The following FERMT2 variants were observed in gnomAD, a reference collection of about 807,000 sequenced individuals.
FERMT2 encodes the protein FERM domain containing kindlin 2, also known as fermitin family homolog 2.
In FERMT2, 15 loss-of-function variants were observed where a neutral mutation model predicts 82.7. The observed-to-expected ratio is 0.18, with a 90% CI of 0.12 to 0.28. FERMT2 has a LOEUF of 0.28. FERMT2 is among the 10% of genes least tolerant of loss of function. The pLI is 1.00. For missense variants in FERMT2, 645 were observed against 809.4 expected (o/e 0.80, Z 2.46); for synonymous variants, 274 against 271.5 (o/e 1.01, Z -0.09).
At chr14:52,950,194 G>A (rs899113625) in intron 2 of FERMT2, among the ~76,000 whole-genome samples, 33 of 152,124 alleles carry the variant, frequency 2.2e-4, no homozygotes, top group African/African-American at 7.2e-4. Flanking sequence ...TGGGAGGCTC[G>A]AATCATTACA....
At chr14:52,860,588 A>G in intron 12 of FERMT2, 123 bp from the exon 13 acceptor site, 1 of 774,164 alleles carries the variant, frequency 1.3e-6, no homozygotes, top group Non-Finnish European at 2.0e-6. Flanking sequence ...AAGAGTTGAA[A>G]TCAAAATATC....
intron 3 of FERMT2, among the ~76,000 whole-genome samples, chr14:52,913,748 A>T (rs1016342522): frequency 2.0e-5 from 3 of 146,624 alleles, no homozygotes; most frequent in African/African-American, 2.5e-5. Flanking sequence ...AGATATATTT[A>T]GGAAGGTGGA....
chr14:52,877,875 G>A (rs574128031), intron 7 of FERMT2, among the ~76,000 whole-genome samples: 6 of 152,158 alleles, frequency 3.9e-5, no homozygotes, highest in Admixed American at 3.3e-4. Flanking sequence ...AGCATTACTC[G>A]GGTATCTGAA....
intron 7 of FERMT2, among the ~76,000 whole-genome samples, chr14:52,877,028 T>C (rs1052960102): frequency 6.6e-6 from 1 of 152,198 alleles, no homozygotes; most frequent in Non-Finnish European, 1.5e-5. Flanking sequence ...TGTAGTGATA[T>C]GGAATGCCCA....
intron 6 of FERMT2, among the ~76,000 whole-genome samples, chr14:52,879,627 T>C (rs1233407468): frequency 1.3e-5 from 2 of 152,136 alleles, no homozygotes; most frequent in African/African-American, 4.8e-5. Context: ...GAATTAAAAT[T>C]ATTTTCTATA....
intron 6 of FERMT2, among the ~76,000 whole-genome samples, chr14:52,880,652 T>C (rs1886238101): frequency 2.0e-5 from 3 of 152,046 alleles, no homozygotes; most frequent in Admixed American, 2.0e-4. Context: ...CCACCTTGGG[T>C]TCTCAAAGTG....
chr14:52,867,206 T>C (rs763532859), intron 10 of FERMT2, among the ~76,000 whole-genome samples: 19 of 152,094 alleles, frequency 1.2e-4, no homozygotes, highest in South Asian at 2.1e-4. Context: ...TCCCAAAATG[T>C]TGGGATTATA....
intron 9 of FERMT2, 45 bp from the exon 10 acceptor site, chr14:52,872,968 T>C (rs747248940): frequency 6.3e-7 from 1 of 1,588,748 alleles, no homozygotes. Context: ...TGGAAGTAAC[T>C]TTATTAACGC....
chr14:52,881,198 C>G (rs1566726890), intron 5 of FERMT2, 46 bp downstream of exon 5: 2 of 1,597,016 alleles, frequency 1.3e-6, no homozygotes, highest in Non-Finnish European at 1.7e-6. Flanking sequence ...ATTTCTACCT[C>G]TAGCTGGATG....
chr14:52,929,005 C>T (rs753846114), intron 2 of FERMT2, among the ~76,000 whole-genome samples: 2 of 152,090 alleles, frequency 1.3e-5, no homozygotes, highest in Non-Finnish European at 2.9e-5. Flanking sequence ...CACTTATTTT[C>T]GTCACTGGTG....
intron 3 of FERMT2, among the ~76,000 whole-genome samples, chr14:52,913,134 A>G (rs1010442058): frequency 2.0e-5 from 3 of 152,248 alleles, no homozygotes; most frequent in African/African-American, 7.2e-5. Flanking sequence ...CTGGGGATAA[A>G]AAGCACAAAC....
In FERMT2 at chr14:52,877,675, A is replaced by G. The variant is rs558352431; in HGVS notation, c.963+907T>C. Among the ~76,000 whole-genome samples the G allele has an allele frequency of 2.2e-5, 3 of 139,054 alleles. No homozygotes were observed. In the East Asian group the frequency reaches 6.5e-4, roughly 30 times the overall value. 91.2% of individuals were successfully genotyped at this position (139,054 alleles called of 152,430 possible). A position where few individuals can be genotyped will look rare whatever the true frequency, so the allele number is the denominator to read the frequency against. ...ACTGAAAACTTTTCTGGATGCATAA[A>G]GGAGGCATTTGGAAGACTGAGAGCA... On this transcript the variant is annotated intron_variant, in intron 7 of 14. Coordinates refer to ENST00000341590, the MANE Select transcript of FERMT2 (RefSeq NM_006832.3).
At chr14:52,883,471 T>C (rs1431847029) in intron 4 of FERMT2, among the ~76,000 whole-genome samples, 6 of 152,246 alleles carry the variant, frequency 3.9e-5, no homozygotes, top group Non-Finnish European at 7.3e-5. Flanking sequence ...CATTAACTTC[T>C]AGGCAAAGTC....
chr14:52,904,685 C>G (rs560432179), intron 3 of FERMT2, among the ~76,000 whole-genome samples: 1 of 147,628 alleles, frequency 6.8e-6, no homozygotes, highest in African/African-American at 2.5e-5. Flanking sequence ...AGAGCAAGAC[C>G]CTTTCAAAAA....
At chr14:52,874,147 A>C in intron 9 of FERMT2, 30 bp downstream of exon 9, 1 of 1,452,546 alleles carries the variant, frequency 6.9e-7, no homozygotes, top group Non-Finnish European at 9.5e-7. Flanking sequence ...ACAGTTATTA[A>C]TATTTGGCAT....
intron 3 of FERMT2, among the ~76,000 whole-genome samples, chr14:52,917,512 A>G (rs1224985991): frequency 6.6e-6 from 1 of 152,126 alleles, no homozygotes; most frequent in South Asian, 2.1e-4. Context: ...CTCTATTTTA[A>G]TAATAATAAT....
At chr14:52,905,172 G>A (rs1316273363) in intron 3 of FERMT2, among the ~76,000 whole-genome samples, 1 of 133,540 alleles carries the variant, frequency 7.5e-6, no homozygotes, top group Non-Finnish European at 1.6e-5. Flanking sequence ...CTGGGGAACA[G>A]AGCGAGACTC....
chr14:52,896,323 G>A (rs182399368), intron 3 of FERMT2, among the ~76,000 whole-genome samples: 2 of 152,236 alleles, frequency 1.3e-5, no homozygotes, highest in African/African-American at 2.4e-5. Context: ...GCTAATTACT[G>A]GATCAAAATT....
At position 52,950,523 on chromosome 14, in the gene FERMT2, C is replaced by G. The variant is rs759037991; in HGVS notation, c.46G>C (p.Gly16Arg). ...IRMPDGCYAD[G>R]TWELSVHVTD... The stretch of plus-strand genomic sequence containing the variant: ...ACATGGACACTCAGTTCCCACGTCC[C>G]GTCCGCGTAGCAGCCATCTGGCATC... Residue 16 changes from glycine to arginine, a missense_variant, in exon 2 of 15, where the codon GGG (glycine) becomes CGG (arginine). Physicochemically the swap from Gly to Arg is moderately radical, Grantham distance 125 (BLOSUM62 -2). Transcript: ENST00000341590. The G allele has an allele frequency of 6.2e-7, 1 of 1,614,150 alleles. No homozygotes were observed. Among genetic ancestry groups the G allele is most frequent in the East Asian group, 2.2e-5 (1 of 44,872 alleles).
Sources: gnomAD v4.1 joint callset for allele counts (sites outside exome capture counted in the v4.1 genomes callset) on GRCh38, gnomAD v4.1.1 for gene constraint, MANE v1.5 for transcripts, NCBI Gene and HGNC (gene_info 2026-07-23, HGNC 2026-07-21) for gene names.